The following RTN4 variants were observed in gnomAD, a reference collection of about 807,000 sequenced individuals.
RTN4 encodes reticulon-4.
In RTN4, 32 loss-of-function variants were observed where a neutral mutation model predicts 90.4. The ratio of observed to expected loss-of-function variants is 0.35; its 90% CI spans 0.27 to 0.48. RTN4 has a LOEUF of 0.48. Among genes scored for constraint, RTN4 ranks in the 20% least tolerant of loss-of-function variants. RTN4 has a pLI of 0.99. For missense variants in RTN4, 1,706 were observed against 1,430.2 expected (o/e 1.19, Z -3.11); for synonymous variants, 629 against 552.5 (o/e 1.14, Z -1.94).
At chr2:55,004,367 C>T (rs770442380) in intron 3 of RTN4, among the ~76,000 whole-genome samples, 6 of 152,156 alleles carry the variant, frequency 3.9e-5, no homozygotes, top group Non-Finnish European at 8.8e-5. Context: ...ACAAAGGCTT[C>T]ATGCCACCAT....
chr2:54,997,147 T>C (rs1412191528), intron 3 of RTN4, among the ~76,000 whole-genome samples: 1 of 152,118 alleles, frequency 6.6e-6, no homozygotes, highest in Admixed American at 6.5e-5. Context: ...ACTCAGAATA[T>C]ATTGAAAAAC....
At chr2:55,010,121 C>G in intron 3 of RTN4, 1 of 1,613,612 alleles carries the variant, frequency 6.2e-7, no homozygotes. Flanking sequence ...GACCGTCCAT[C>G]TCTTGTCACG....
At chr2:55,135,991 A>G in the RTN4 span, among the ~76,000 whole-genome samples, 3 of 152,182 alleles carry the variant, frequency 2.0e-5, no homozygotes, top group African/African-American at 4.8e-5. Flanking sequence ...GCAAGGCAGG[A>G]GAGGGCCCCC....
intron 5 of RTN4, among the ~76,000 whole-genome samples, chr2:54,981,958 T>C (rs1488785795): frequency 6.6e-6 from 1 of 151,918 alleles, no homozygotes; most frequent in Admixed American, 6.6e-5. Flanking sequence ...TATATATATA[T>C]ATAATTTTTT....
chr2:55,137,380 A>G, the RTN4 span, among the ~76,000 whole-genome samples: 1 of 152,208 alleles, frequency 6.6e-6, no homozygotes, highest in Admixed American at 6.5e-5. Context: ...CTACGGAGTC[A>G]GGAAAGAGCC....
intron 1 of RTN4, among the ~76,000 whole-genome samples, chr2:55,084,327 G>C (rs569708663): frequency 6.7e-6 from 1 of 149,792 alleles, no homozygotes; most frequent in South Asian, 2.1e-4. Context: ...TTTAAATAGA[G>C]GTGGGGTCTC....
chr2:55,004,619 T>A (rs1051240094), intron 3 of RTN4, among the ~76,000 whole-genome samples: 1 of 152,106 alleles, frequency 6.6e-6, no homozygotes, highest in Non-Finnish European at 1.5e-5. Context: ...TATTTTAAAA[T>A]TTTCCAAAAA....
the RTN4 span, among the ~76,000 whole-genome samples, chr2:55,133,389 G>A: frequency 1.2e-4 from 18 of 152,052 alleles, no homozygotes; most frequent in Admixed American, 6.6e-5. Context: ...CCCTCTCCCT[G>A]CCTTTTTTTT....
intron 1 of RTN4, among the ~76,000 whole-genome samples, chr2:55,048,706 T>A (rs1181056551): frequency 6.6e-6 from 1 of 152,162 alleles, no homozygotes; most frequent in Non-Finnish European, 1.5e-5. Flanking sequence ...ACCTAAAACA[T>A]ATCCTTCTGA....
intron 5 of RTN4, among the ~76,000 whole-genome samples, chr2:54,977,157 G>C (rs189882190): frequency 6.6e-6 from 1 of 152,296 alleles, no homozygotes; most frequent in East Asian, 1.9e-4. Flanking sequence ...TGGCAGTTCT[G>C]ACCATTTCAA....
chr2:54,997,017 A>T (rs910784530), intron 3 of RTN4, among the ~76,000 whole-genome samples: 2 of 152,246 alleles, frequency 1.3e-5, no homozygotes, highest in African/African-American at 4.8e-5. Flanking sequence ...ACAACAAAAG[A>T]AGAAAAAAGA....
chr2:55,018,084 A>G (rs2864052), intron 3 of RTN4, among the ~76,000 whole-genome samples: 124,595 of 152,190 alleles, frequency 0.82, 51,552 homozygotes, highest in African/African-American at 0.95. Context: ...TGCTTATTAC[A>G]TAATTTACCA....
rs1266200914 is a variant in RTN4, at chr2:55,026,016, T to A, written c.2083A>T (p.Ile695Leu). The A allele has an allele frequency of 2.5e-6, 4 of 1,612,082 alleles. No individual in the cohort carries two copies. In the Admixed American group the frequency reaches 6.7e-5, roughly 27 times the overall value. ...AALQETEAPY[I>L]SIACDLIKET... ...TTAATTAAATCACATGCAATAGATA[T>A]ATAAGGAGCTTCTGTTTCTTGAAGA... Residue 695 changes from isoleucine to leucine, a missense_variant, in exon 3 of 9, where the codon ATA becomes TTA. Physicochemically the swap from Ile to Leu is conservative, Grantham distance 5. Transcript: ENST00000337526.
chr2:55,130,134 G>A, the RTN4 span, among the ~76,000 whole-genome samples: 1 of 152,160 alleles, frequency 6.6e-6, no homozygotes, highest in African/African-American at 2.4e-5. Context: ...GGCTTAATAA[G>A]TTATGGAACA....
intron 1 of RTN4, among the ~76,000 whole-genome samples, chr2:55,108,414 T>C (rs1157136960): frequency 6.6e-6 from 1 of 151,932 alleles, no homozygotes; most frequent in Non-Finnish European, 1.5e-5. Flanking sequence ...GGGAGAAGGG[T>C]GAAGGGGCTC....
Position 55,010,122 on chromosome 2 carries a change from T to G in RTN4, c.3013+14964A>C, listed in dbSNP as rs772953383. On this transcript the variant is annotated intron_variant, in intron 3 of 8. Transcript: ENST00000337526. ...CCAATTTTTCTTCTGACCGTCCATC[T>G]CTTGTCACGATCTGCTTTGCAGCTC... 4 of 1,613,610 alleles carry G rather than the reference T, an allele frequency of 2.5e-6. No homozygotes were observed. The East Asian group carries it at 8.9e-5, about 36-fold the overall frequency.
At chr2:55,036,344 G>A (rs551599988) in intron 1 of RTN4, among the ~76,000 whole-genome samples, 1 of 152,032 alleles carries the variant, frequency 6.6e-6, no homozygotes, top group East Asian at 1.9e-4. Context: ...GCTCATGCCT[G>A]TAATCCCAGC....
chr2:55,068,659 T>C (rs1303755054), intron 2 of RTN4, among the ~76,000 whole-genome samples: 1 of 106,824 alleles, frequency 9.4e-6, no homozygotes, highest in African/African-American at 3.9e-5. Context: ...AAGTGAAAAA[T>C]GGTGCTCTAC....
At chr2:54,981,488 T>C (rs968827129) in intron 5 of RTN4, among the ~76,000 whole-genome samples, 1 of 152,160 alleles carries the variant, frequency 6.6e-6, no homozygotes, top group African/African-American at 2.4e-5. Context: ...CAGGCTTAGA[T>C]TGGAAACAAG....
Sources: allele counts gnomAD v4.1 joint callset (sites outside exome capture counted in the v4.1 genomes callset), GRCh38; gene constraint gnomAD v4.1.1; transcripts MANE v1.5; gene names NCBI Gene and HGNC (gene_info 2026-07-23, HGNC 2026-07-21).